CR1: variants seen among roughly 807,000 people sequenced by gnomAD.
The protein encoded by CR1 is complement receptor type 1.
CR1 carries 116 observed loss-of-function variants against 187.3 expected under a neutral mutation model. That is an observed-to-expected ratio of 0.62 (90% CI 0.53 to 0.72). The LOEUF (loss-of-function observed/expected upper bound fraction) is 0.72. CR1 is among the 30% of genes least tolerant of loss of function. CR1 has a pLI of 0.00. For missense variants in CR1, 1,731 were observed against 2,110.7 expected (o/e 0.82, Z 3.52); for synonymous variants, 576 against 747.1 (o/e 0.77, Z 3.73).
chr1:207,581,897 C>T (rs781399932), intron 31 of CR1, 21 bp from the exon 32 acceptor site: 1 of 1,569,034 alleles, frequency 6.4e-7, no homozygotes, highest in South Asian at 1.1e-5. Flanking sequence ...TTCATCCAGC[C>T]ACTACTGCTT....
intron 4 of CR1, among the ~76,000 whole-genome samples, chr1:207,514,840 G>C (rs1378118300): frequency 6.6e-6 from 1 of 151,362 alleles, no homozygotes; most frequent in Admixed American, 6.6e-5. Flanking sequence ...TCCTTGTAAG[G>C]GTTTATATAA....
At chr1:207,594,597 A>G (rs2102363515) in intron 35 of CR1, among the ~76,000 whole-genome samples, 1 of 152,288 alleles carries the variant, frequency 6.6e-6, no homozygotes, top group Admixed American at 6.5e-5. Flanking sequence ...AATTTAAAGT[A>G]TGATAATAAA....
At chr1:207,568,136 T>A in intron 25 of CR1, 94 bp downstream of exon 25, 2 of 1,597,466 alleles carry the variant, frequency 1.3e-6, no homozygotes, top group Non-Finnish European at 1.7e-6. Flanking sequence ...TTTATTTGTA[T>A]GTATGCATTT....
At chr1:207,605,034 G>A (rs893904531) in intron 35 of CR1, among the ~76,000 whole-genome samples, 26 of 152,092 alleles carry the variant, frequency 1.7e-4, no homozygotes, top group Admixed American at 1.4e-3. Context: ...TGAGGCATAC[G>A]AATTGCTTAA....
intron 3 of CR1, among the ~76,000 whole-genome samples, chr1:207,509,976 G>C (rs1659562976): frequency 6.6e-6 from 1 of 152,162 alleles, no homozygotes; most frequent in African/African-American, 2.4e-5. Context: ...GGGAGGCTGA[G>C]GTGGGTGGAT....
At position 207,523,703 on chromosome 1, in the gene CR1, C is replaced by T. The variant is rs372485667; in HGVS notation, c.580C>T (p.Arg194Cys). The T allele has an allele frequency of 2.4e-5, 39 of 1,613,344 alleles. No individual in the cohort carries two copies. The Middle Eastern group carries it at 5.3e-4, about 22-fold the overall frequency. ...TCACTATGGATCAGTGGTGACCTAC[C>T]GCTGCAATCCTGGAAGCGGAGGGAG... ...NFHYGSVVTY[R>C]CNPGSGGRKV... is the part of the protein sequence containing the mutation. The change falls in exon 5 of 47, where the codon CGC becomes TGC. Residue 194 changes from arginine to cysteine, a missense_variant. This residue lies in a region of CR1 where 131 missense variants were observed against 196.8 expected (regional missense o/e 0.67). Transcript: ENST00000367049.
chr1:207,628,811 T>C (rs1241695536), intron 45 of CR1, among the ~76,000 whole-genome samples: 1 of 152,246 alleles, frequency 6.6e-6, no homozygotes, highest in African/African-American at 2.4e-5. Context: ...CTTTGGTATA[T>C]TGAACCAGTA....
rs1407812856 is a variant in CR1 at position 207,607,404 on chromosome 1, A to G, written c.5896+68A>G. 3 of 1,157,140 alleles carry G rather than the reference A, an allele frequency of 2.6e-6. No homozygotes were observed. The African/African-American group carries it at 4.6e-5, about 18-fold the overall frequency. The allele number at this position is 1,157,140 out of a possible 1,614,324, so 71.7% of individuals were successfully genotyped here. A position where few individuals can be genotyped will look rare whatever the true frequency, so the allele number is the denominator to read the frequency against. ...CTGACTTGCCCCTGGAGTACAAAGA[A>G]TAAATTGAATCCTTCTTGCACAAAG... On this transcript the variant is annotated intron_variant, in intron 36 of 46. Transcript: ENST00000367049.
At chr1:207,614,722 G>A (rs1312763921) in intron 40 of CR1, among the ~76,000 whole-genome samples, 1 of 152,158 alleles carries the variant, frequency 6.6e-6, no homozygotes, top group Non-Finnish European at 1.5e-5. Flanking sequence ...TGTGGGGAAT[G>A]TGTGGCAAGA....
intron 3 of CR1, among the ~76,000 whole-genome samples, chr1:207,508,896 T>G (rs1659531104): frequency 6.6e-6 from 1 of 152,092 alleles, no homozygotes; most frequent in South Asian, 2.1e-4. Context: ...CTGCTAAAAT[T>G]TCTCTGTCTC....
At chr1:207,611,891 C>A (rs1392276062) in intron 38 of CR1, 38 bp downstream of exon 38, 1 of 1,613,756 alleles carries the variant, frequency 6.2e-7, no homozygotes, top group Non-Finnish European at 8.5e-7. Context: ...GCTCTGTTTT[C>A]CCCTTCACAT....
intron 24 of CR1, 100 bp downstream of exon 24, chr1:207,566,023 T>G (rs1660484430): frequency 6.9e-7 from 1 of 1,458,122 alleles, no homozygotes; most frequent in African/African-American, 1.5e-5. Context: ...TATTCTAGTC[T>G]TAATTATCGA....
chr1:207,519,036 T>G (rs1659888867), intron 4 of CR1, among the ~76,000 whole-genome samples: 1 of 152,244 alleles, frequency 6.6e-6, no homozygotes, highest in Admixed American at 6.5e-5. Flanking sequence ...TTATTCTTTC[T>G]GCTGAATTGA....
intron 31 of CR1, 46 bp from the exon 32 acceptor site, chr1:207,581,872 G>A: frequency 7.6e-7 from 1 of 1,312,108 alleles, no homozygotes. Context: ...ACGAAGGGAA[G>A]AGAGAAATGG....
In CR1 at chr1:207,523,950, G is replaced by A. The variant is rs767912993; in HGVS notation, c.827G>A (p.Arg276His). ...CQPGFVMKGP[R>H]RVKCQALNKW... ...CCTGGCTTTGTCATGAAAGGACCCC[G>A]CCGTGTGAAGTGCCAGGCCCTGAAC... The change falls in exon 5 of 47, where the codon CGC (arginine) becomes CAC (histidine). Residue 276 changes from arginine to histidine, a missense_variant. Physicochemically the swap from Arg to His is conservative, Grantham distance 29. Transcript: ENST00000367049. 2.3e-4 allele frequency: 367 copies of A among 1,611,750 alleles called. 1 individual carries two copies. The highest frequency in any genetic ancestry group is 3.0e-4 in the Non-Finnish European group (350 of 1,179,714).
intron 45 of CR1, among the ~76,000 whole-genome samples, chr1:207,629,749 G>A (rs935043345): frequency 1.3e-5 from 2 of 152,160 alleles, no homozygotes; most frequent in Non-Finnish European, 2.9e-5. Context: ...AAAAGATGAA[G>A]TGTTTATTAA....
chr1:207,591,473 G>A (rs1010184031), intron 35 of CR1, among the ~76,000 whole-genome samples: 1 of 151,394 alleles, frequency 6.6e-6, no homozygotes, highest in African/African-American at 2.4e-5. Flanking sequence ...TAAATTTATA[G>A]CACTAAATGC....
At chr1:207,584,029 A>G (rs1052542989) in intron 32 of CR1, among the ~76,000 whole-genome samples, 2 of 152,188 alleles carry the variant, frequency 1.3e-5, no homozygotes, top group African/African-American at 4.8e-5. Context: ...TTAAAAACCA[A>G]TGAGTATCTC....
At chr1:207,593,516 A>G (rs1015603709) in intron 35 of CR1, among the ~76,000 whole-genome samples, 1 of 152,192 alleles carries the variant, frequency 6.6e-6, no homozygotes, top group Non-Finnish European at 1.5e-5. Flanking sequence ...CTAGAAGAAA[A>G]CCTAGGCAAT....
Sources: allele counts gnomAD v4.1 joint callset (sites outside exome capture counted in the v4.1 genomes callset), GRCh38; gene constraint gnomAD v4.1.1; regional missense constraint gnomAD v4.1.1; transcripts MANE v1.5; gene names NCBI Gene and HGNC (gene_info 2026-07-23, HGNC 2026-07-21).